The following HHLA1 variants were observed in gnomAD, a reference collection of about 807,000 sequenced individuals.
HHLA1 encodes the protein HHLA1 neighbor of OC90.
HHLA1 carries 72 observed loss-of-function variants against 69.9 expected under a neutral mutation model. The ratio of observed to expected loss-of-function variants is 1.03; its 90% CI spans 0.85 to 1.25. The LOEUF is 1.25. Ranked by LOEUF, HHLA1 falls within the 50% of genes most tolerant of loss-of-function variation. The probability of loss-of-function intolerance (pLI) is 0.00; values close to 1 mark genes in which losing one functional copy is unlikely to be tolerated. For synonymous variants in HHLA1, 252 were observed against 233.2 expected, an observed-to-expected ratio of 1.08 and a Z score of -0.73; for missense variants, 685 against 642.2, an observed-to-expected ratio of 1.07 and a Z score of -0.72.
At chr8:132,100,051 G>A in intron 4 of HHLA1, 24 bp downstream of exon 4, 1 of 1,545,272 alleles carries the variant, frequency 6.5e-7, no homozygotes, top group South Asian at 1.2e-5. Flanking sequence ...GACAACCCAA[G>A]GGATTTGGGG....
At chr8:132,106,106 T>C (rs186707860) in intron 1 of HHLA1, among the ~76,000 whole-genome samples, 1 of 152,316 alleles carries the variant, frequency 6.6e-6, no homozygotes, top group East Asian at 1.9e-4. Flanking sequence ...TGTGTAGGTA[T>C]TAATGTAATG....
chr8:132,082,495 A>C (rs1253211433), intron 10 of HHLA1, among the ~76,000 whole-genome samples: 2 of 152,100 alleles, frequency 1.3e-5, no homozygotes, highest in African/African-American at 2.4e-5. Flanking sequence ...GTCGGACATG[A>C]TTGGCAGGGA....
chr8:132,076,776 A>T (rs79660587), intron 12 of HHLA1, among the ~76,000 whole-genome samples: 1 of 152,128 alleles, frequency 6.6e-6, no homozygotes, highest in African/African-American at 2.4e-5. Context: ...GCCATTGGAA[A>T]CCAGCTGACA....
chr8:132,104,932 A>G (rs1008594111), intron 2 of HHLA1, among the ~76,000 whole-genome samples: 15 of 152,332 alleles, frequency 9.8e-5, no homozygotes, highest in African/African-American at 3.6e-4. Context: ...AAGCTGTCTC[A>G]TGGTCTGGGA....
intron 7 of HHLA1, among the ~76,000 whole-genome samples, chr8:132,094,584 C>G (rs1018395099): frequency 1.3e-5 from 2 of 152,166 alleles, no homozygotes; most frequent in Non-Finnish European, 1.5e-5. Flanking sequence ...CTGAAGGTCA[C>G]CCCTCAACCC....
At chr8:132,101,162 C>A in intron 3 of HHLA1, 1 of 1,525,752 alleles carries the variant, frequency 6.6e-7, no homozygotes, top group Non-Finnish European at 8.8e-7. Context: ...AAATAGAAAA[C>A]AACAAGCCAC....
At chr8:132,101,107 A>G in intron 3 of HHLA1, 2 of 1,449,454 alleles carry the variant, frequency 1.4e-6, no homozygotes, top group Non-Finnish European at 1.8e-6. Context: ...AACAATAGGT[A>G]CCAGCAGGAT....
rs1360989071 is a variant in HHLA1 at position 132,079,834 on chromosome 8, G to A, written c.809C>T (p.Thr270Ile). 4 of 1,551,822 alleles carry A rather than the reference G, an allele frequency of 2.6e-6. No individual in the cohort carries two copies. Among genetic ancestry groups the A allele is most frequent in the South Asian group, 2.4e-5 (2 of 84,058 alleles). Residue 270 changes from threonine to isoleucine, a missense_variant, in exon 11 of 17, where the codon ACA becomes ATA. Coordinates refer to ENST00000414222, the MANE Select transcript of HHLA1 (RefSeq NM_001145095.3). Reference sequence around the variant, plus strand: ...TGTTTCTGAAGGAGCAGCTGTCTCTGTCCAGGGAGAGGATCTCAGAGCAGA... The same window carrying A: ...TGTTTCTGAAGGAGCAGCTGTCTCTATCCAGGGAGAGGATCTCAGAGCAGA... The part of the protein sequence containing the change: ...WASALRSSPW[T>I]ETAAPSETEE...
intron 10 of HHLA1, chr8:132,081,016 G>A (rs1586727764): frequency 6.6e-6 from 1 of 152,046 alleles, no homozygotes; most frequent in Admixed American, 6.5e-5. Flanking sequence ...AGAATTGGGA[G>A]GACCTAGGAC....
At chr8:132,108,576 A>C (rs1824243955) in intron 1 of HHLA1, among the ~76,000 whole-genome samples, 1 of 152,192 alleles carries the variant, frequency 6.6e-6, no homozygotes, top group African/African-American at 2.4e-5. Flanking sequence ...ATGACAGGAC[A>C]ATAATAATTA....
intron 5 of HHLA1, among the ~76,000 whole-genome samples, chr8:132,098,441 G>A (rs931000771): frequency 3.3e-5 from 5 of 152,038 alleles, no homozygotes; most frequent in Non-Finnish European, 1.5e-5. Flanking sequence ...AGTAAGGTAG[G>A]ACAATGAATT....
chr8:132,104,501 G>A (rs1458403509), intron 2 of HHLA1, among the ~76,000 whole-genome samples: 1 of 152,198 alleles, frequency 6.6e-6, no homozygotes, highest in Non-Finnish European at 1.5e-5. Flanking sequence ...CGGGAATCTG[G>A]AAGCCTTCCC....
In HHLA1 at chr8:132,095,567, G is replaced by C; in HGVS notation, c.400C>G (p.Pro134Ala). The C allele has an allele frequency of 6.4e-7, 1 of 1,550,408 alleles. No individual in the cohort carries two copies. The highest frequency in any genetic ancestry group is 8.7e-7 in the Non-Finnish European group (1 of 1,145,720). ...NLKTVDPAKF[P>A]TRYCYCLNNR... is the part of the protein sequence containing the mutation. ...TTTAAACAGTAGCAATACCTTGTGG[G>C]GAATTTGGCGGGGTCTACTGTCTTC... The change falls in exon 7 of 17, where the codon CCC becomes GCC. Residue 134 changes from proline to alanine, a missense_variant. Transcript: ENST00000414222.
intron 3 of HHLA1, among the ~76,000 whole-genome samples, chr8:132,102,976 A>G (rs931949326): frequency 1.3e-5 from 2 of 152,302 alleles, no homozygotes; most frequent in African/African-American, 4.8e-5. Flanking sequence ...GACAGATTAC[A>G]AAAAGATATT....
At position 132,078,249 on chromosome 8, in the gene HHLA1, G is replaced by C. The variant is rs139678216; in HGVS notation, c.926-278C>G. ...TCTAGGACCCCAGGCGTGTGTGTTT[G>C]GGGGTCAGTTAGCTGTCTCTCAAAT... On this transcript the variant is annotated intron_variant, in intron 11 of 16. Transcript: ENST00000414222. Among the ~76,000 whole-genome samples the C allele has an allele frequency of 1.6e-3, 242 of 152,008 alleles. 1 individual carries two copies. Among genetic ancestry groups the C allele is most frequent in the Admixed American group, 4.1e-3 (62 of 15,262 alleles).
At chr8:132,075,125 A>G (rs1823613343) in intron 14 of HHLA1, among the ~76,000 whole-genome samples, 2 of 152,218 alleles carry the variant, frequency 1.3e-5, no homozygotes, top group Admixed American at 6.5e-5. Flanking sequence ...TTTCCTTAGT[A>G]GCATAATCAC....
At chr8:132,089,373 A>G (rs763649398) in intron 8 of HHLA1, 143 bp downstream of exon 8, 36 of 674,158 alleles carry the variant, frequency 5.3e-5, no homozygotes, top group Non-Finnish European at 9.4e-5. Flanking sequence ...GACCACACTG[A>G]TTATCTAAAT....
In HHLA1 at chr8:132,079,777, T is replaced by A; in HGVS notation, c.866A>T (p.Glu289Val). The stretch of plus-strand genomic sequence containing the variant: ...TGTGGCTGTGGCCCTGGCTGGAAGC[T>A]CAGGAGGCCTGCCTGTGTTCAGGGT... ...EETLNTGRPP[E>V]LPARATATWF... The change falls in exon 11 of 17, where the codon GAG becomes GTG. Residue 289 changes from glutamate to valine, a missense_variant. By Grantham distance (121) the Glu-to-Val change is moderately radical. Transcript: ENST00000414222. The A allele has an allele frequency of 6.4e-7, 1 of 1,551,654 alleles. No individual in the cohort carries two copies. Among genetic ancestry groups the A allele is most frequent in the Non-Finnish European group, 8.7e-7 (1 of 1,146,954 alleles).
Position 132,076,103 on chromosome 8 carries a change from T to C in HHLA1, c.1267A>G (p.Thr423Ala). The change falls in exon 14 of 17, where the codon ACT (threonine) becomes GCT (alanine). Residue 423 changes from threonine (T) to alanine (A), a missense_variant. By Grantham distance (58) the Thr-to-Ala change is moderately conservative. Transcript: ENST00000414222. Reference sequence around the variant, plus strand: ...ACCAGGACTGGCTCTTCACCAGCAGTGAATGGCCACTCTGCAGAGAGATCA... The same window carrying C: ...ACCAGGACTGGCTCTTCACCAGCAGCGAATGGCCACTCTGCAGAGAGATCA... ...TGDLSAEWPF[T>A]AGEEPVLVPR... The C allele has an allele frequency of 6.4e-7, 1 of 1,551,376 alleles. No homozygotes were observed. The highest frequency in any genetic ancestry group is 8.7e-7 in the Non-Finnish European group (1 of 1,146,912).
Sources: allele counts gnomAD v4.1 joint callset (sites outside exome capture counted in the v4.1 genomes callset), GRCh38; gene constraint gnomAD v4.1.1; transcripts MANE v1.5; gene names NCBI Gene and HGNC (gene_info 2026-07-23, HGNC 2026-07-21).